The following CRB1 variants were observed in gnomAD, a reference collection of about 807,000 sequenced individuals.
CRB1 encodes protein crumbs homolog 1.
A neutral mutation model predicts 120.0 loss-of-function variants in CRB1; 83 were observed. The ratio of observed to expected loss-of-function variants is 0.69; its 90% confidence interval spans 0.58 to 0.83. CRB1 has a LOEUF of 0.83. Among genes scored for constraint, CRB1 ranks in the 40% least tolerant of loss-of-function variants. CRB1 has a pLI of 0.00. For missense variants in CRB1, 1,699 were observed against 1,687.6 expected (o/e 1.01, Z -0.12); for synonymous variants, 625 against 612.5 (o/e 1.02, Z -0.30).
At chr1:197,294,217 G>GA (rs574680262) in intron 1 of CRB1, among the ~76,000 whole-genome samples, 176 of 152,056 alleles carry the variant, frequency 1.2e-3, no homozygotes, top group African/African-American at 3.8e-3. Context: ...AAATTTACAA[G>GA]AAAAAATCAA....
chr1:197,398,916 G>GTGTC (rs929300997), intron 5 of CRB1, among the ~76,000 whole-genome samples: 1 of 151,504 alleles, frequency 6.6e-6, no homozygotes, highest in Non-Finnish European at 1.5e-5. Flanking sequence ...GTGTGTGTGT[G>GTGTC]TGTGTGTGTG....
intron 11 of CRB1, chr1:197,442,911 G>C (rs1177218968): frequency 1.3e-5 from 2 of 158,492 alleles, no homozygotes; most frequent in Non-Finnish European, 2.8e-5. Context: ...GAACACCTGA[G>C]GCCAGGAGTT....
chr1:197,317,160 G>A (rs528200630), intron 1 of CRB1, among the ~76,000 whole-genome samples: 1 of 152,316 alleles, frequency 6.6e-6, no homozygotes, highest in South Asian at 2.1e-4. Context: ...GCTCACGCCT[G>A]TAATCCCAGC....
chr1:197,262,690 T>A, the CRB1 span, among the ~76,000 whole-genome samples: 1 of 152,064 alleles, frequency 6.6e-6, no homozygotes, highest in Admixed American at 6.5e-5. Context: ...CCCTTCTTCT[T>A]AACAATAGTC....
chr1:197,324,546 C>A (rs183904979), intron 1 of CRB1, among the ~76,000 whole-genome samples: 7 of 152,196 alleles, frequency 4.6e-5, no homozygotes, highest in African/African-American at 1.7e-4. Flanking sequence ...GTGCCAAGCC[C>A]TGTTAGGCAT....
intron 1 of CRB1, among the ~76,000 whole-genome samples, chr1:197,297,714 G>A (rs912636229): frequency 2.0e-5 from 3 of 152,148 alleles, no homozygotes; most frequent in Admixed American, 6.6e-5. Context: ...AGGGAAGAGG[G>A]CCCCTAAGGT....
intron 1 of CRB1, among the ~76,000 whole-genome samples, chr1:197,281,980 C>A (rs1655547010): frequency 6.6e-6 from 1 of 150,548 alleles, no homozygotes; most frequent in Admixed American, 6.6e-5. Context: ...AAATTATAGA[C>A]TATATAAAAC....
intron 11 of CRB1, among the ~76,000 whole-genome samples, chr1:197,455,968 G>A (rs1666265547): frequency 6.6e-6 from 1 of 152,002 alleles, no homozygotes; most frequent in Admixed American, 6.6e-5. Context: ...TATTTGCAAT[G>A]AAAGTTATTT....
chr1:197,288,621 TA>T (rs1655975096), intron 1 of CRB1, among the ~76,000 whole-genome samples: 1 of 151,690 alleles, frequency 6.6e-6, no homozygotes, highest in Admixed American at 6.6e-5. Context: ...AAAAGTTAAG[TA>T]GAATTATGAG....
intron 11 of CRB1, among the ~76,000 whole-genome samples, chr1:197,465,471 C>A (rs576447809): frequency 3.0e-4 from 45 of 152,198 alleles, no homozygotes; most frequent in Non-Finnish European, 5.1e-4. Flanking sequence ...CTGAAACAAA[C>A]CTTTAGTTCT....
rs149121998 is a variant in CRB1, at chr1:197,299,876, T to G, written c.71-28546T>G. ...TTTGTGGCAACTCAGCATCAAGCAA[T>G]AGCATGTGCTCAGTTTGTGTCTCGG... is the stretch of plus-strand genomic sequence containing the variant. On this transcript the variant is annotated intron_variant, in intron 1 of 11. Transcript: ENST00000367400. Among the ~76,000 whole-genome samples, 594 of 151,854 alleles carry G rather than the reference T, an allele frequency of 3.9e-3. 14 individuals are homozygous for G. The highest frequency in any genetic ancestry group is 0.014 in the African/African-American group (574 of 41,274).
intron 11 of CRB1, among the ~76,000 whole-genome samples, chr1:197,470,683 A>G (rs1030471720): frequency 6.6e-6 from 1 of 152,220 alleles, no homozygotes; most frequent in Non-Finnish European, 1.5e-5. Flanking sequence ...GCTTCTGCCT[A>G]AAATCTGGTA....
intron 1 of CRB1, among the ~76,000 whole-genome samples, chr1:197,281,611 A>G (rs1034751136): frequency 2.6e-4 from 39 of 151,972 alleles, no homozygotes; most frequent in African/African-American, 9.4e-4. Flanking sequence ...GTAGTTAGAG[A>G]GACCTAGCAT....
chr1:197,325,669 T>C (rs1658453181), intron 1 of CRB1, among the ~76,000 whole-genome samples: 1 of 152,148 alleles, frequency 6.6e-6, no homozygotes, highest in Non-Finnish European at 1.5e-5. Context: ...TTCCTATCCC[T>C]AGCAGCGACT....
the CRB1 span, among the ~76,000 whole-genome samples, chr1:197,229,883 C>G: frequency 6.6e-6 from 1 of 152,110 alleles, no homozygotes; most frequent in East Asian, 1.9e-4. Flanking sequence ...TACAGCTTCG[C>G]TCTTGATTAG....
intron 5 of CRB1, among the ~76,000 whole-genome samples, chr1:197,399,363 C>A (rs1361376034): frequency 6.6e-6 from 1 of 152,014 alleles, no homozygotes; most frequent in Non-Finnish European, 1.5e-5. Context: ...CAGTGCCTGG[C>A]TTATAGGAAA....
chr1:197,443,104 A>T (rs1321733595), intron 11 of CRB1: 1 of 141,730 alleles, frequency 7.1e-6, no homozygotes, highest in East Asian at 2.1e-4. Context: ...AGCCTGGGCG[A>T]CAGGTGAGAT....
At chr1:197,252,671 C>T in the CRB1 span, among the ~76,000 whole-genome samples, 3 of 138,286 alleles carry the variant, frequency 2.2e-5, no homozygotes, top group Admixed American at 2.2e-4. Flanking sequence ...TAAAATAAAA[C>T]TTATTATGGG....
chr1:197,264,559 C>T (rs532752677), upstream of CRB1, among the ~76,000 whole-genome samples: 6 of 150,782 alleles, frequency 4.0e-5, no homozygotes, highest in East Asian at 3.9e-4. Flanking sequence ...TATTGTTTTC[C>T]GTAAAGGTTG....
Sources: allele counts gnomAD v4.1 joint callset (sites outside exome capture counted in the v4.1 genomes callset), GRCh38; gene constraint gnomAD v4.1.1; transcripts MANE v1.5; gene names NCBI Gene and HGNC (gene_info 2026-07-23, HGNC 2026-07-21).